The following SNX24 variants were observed in gnomAD, a reference collection of about 807,000 sequenced individuals.
SNX24 encodes the protein sorting nexin 24.
A neutral mutation model predicts 28.7 loss-of-function variants in SNX24; 22 were observed. The ratio of observed to expected loss-of-function variants is 0.77; its 90% CI spans 0.55 to 1.10. SNX24 has a LOEUF of 1.10. SNX24 is among the 50% of genes least tolerant of loss of function. The probability of loss-of-function intolerance (pLI) is 0.00; values close to 1 mark genes in which losing one functional copy is unlikely to be tolerated. For missense variants in SNX24, 221 were observed against 201.1 expected (o/e 1.10, Z -0.60); for synonymous variants, 69 against 71.5 (o/e 0.96, Z 0.18).
chr5:122,946,407 G>C (rs1304360258), intron 3 of SNX24, among the ~76,000 whole-genome samples: 1 of 152,106 alleles, frequency 6.6e-6, no homozygotes, highest in Non-Finnish European at 1.5e-5. Context: ...TTGAGGAGAG[G>C]ATCTGTTTTT....
At chr5:123,028,108 C>A (rs940748828) in intron 5 of SNX24, among the ~76,000 whole-genome samples, 1 of 152,180 alleles carries the variant, frequency 6.6e-6, no homozygotes, top group African/African-American at 2.4e-5. Context: ...TGGGTCCTGA[C>A]GAAACCACCA....
chr5:122,918,828 A>T (rs1581747613), intron 1 of SNX24, among the ~76,000 whole-genome samples: 1 of 152,246 alleles, frequency 6.6e-6, no homozygotes, highest in Non-Finnish European at 1.5e-5. Flanking sequence ...CTCTTTCAAC[A>T]TACTGCACTG....
rs1759398731 is a variant in SNX24 at position 122,940,594 on chromosome 5, CAG to C, written c.144+3780_144+3781del. 2.0e-5 allele frequency among the ~76,000 whole-genome samples: 3 copies of C among 152,278 alleles called. No individual in the cohort carries two copies. The South Asian group carries it at 6.2e-4, about 32-fold the overall frequency. On this transcript the variant is annotated intron_variant, in intron 2 of 6. Coordinates refer to ENST00000261369, the MANE Select transcript of SNX24 (RefSeq NM_014035.4). ...ATTTATGTATTATTATTATTTGAGACAGAGTCTCACTTTATCACCCAGGCTGG... is the reference window on the plus strand; with the variant it reads ...ATTTATGTATTATTATTATTTGAGACAGTCTCACTTTATCACCCAGGCTGG...
At chr5:122,904,883 G>C (rs1333130601) in intron 1 of SNX24, among the ~76,000 whole-genome samples, 1 of 152,212 alleles carries the variant, frequency 6.6e-6, no homozygotes, top group Non-Finnish European at 1.5e-5. Context: ...AAGGAAGACA[G>C]CCTGATGCTC....
At chr5:122,948,997 C>T (rs1405978444) in intron 3 of SNX24, among the ~76,000 whole-genome samples, 3 of 152,138 alleles carry the variant, frequency 2.0e-5, no homozygotes, top group Non-Finnish European at 2.9e-5. Flanking sequence ...AAATCAATAA[C>T]TTGAATAGCA....
intron 1 of SNX24, among the ~76,000 whole-genome samples, chr5:122,900,933 G>T (rs1382536111): frequency 6.6e-6 from 1 of 152,152 alleles, no homozygotes; most frequent in East Asian, 1.9e-4. Context: ...AGGTGTGGTG[G>T]CTCGTGCCTG....
chr5:122,953,057 T>TCTTTCTTCCTTC (rs1554075533), intron 3 of SNX24, among the ~76,000 whole-genome samples: 17 of 150,074 alleles, frequency 1.1e-4, no homozygotes, highest in Middle Eastern at 3.4e-3. Flanking sequence ...GCGATTTCTT[T>TCTTTCTTCCTTC]CTTTCTTTCT....
chr5:122,872,944 T>C (rs1057216148), intron 1 of SNX24, among the ~76,000 whole-genome samples: 6 of 152,048 alleles, frequency 3.9e-5, no homozygotes, highest in African/African-American at 1.4e-4. Flanking sequence ...TTAATGAACA[T>C]CATTTTAACC....
At chr5:122,902,770 A>G (rs78803589) in intron 1 of SNX24, among the ~76,000 whole-genome samples, 81 of 152,278 alleles carry the variant, frequency 5.3e-4, no homozygotes, top group South Asian at 2.3e-3. Flanking sequence ...TATCATGCAT[A>G]TGGTTAAAAA....
intron 1 of SNX24, among the ~76,000 whole-genome samples, chr5:122,863,528 C>CT (rs112338350): frequency 0.14 from 19,490 of 143,444 alleles, 1,595 homozygotes; most frequent in East Asian, 0.36. Flanking sequence ...TTTCTTTTTT[C>CT]TTTTTTTTTT....
chr5:122,996,886 G>A (rs1028605873), intron 3 of SNX24, among the ~76,000 whole-genome samples: 5 of 152,184 alleles, frequency 3.3e-5, no homozygotes, highest in African/African-American at 1.2e-4. Context: ...GTTGAGCAAA[G>A]TTGAGAGATT....
chr5:122,966,838 A>G (rs1760733959), intron 3 of SNX24, among the ~76,000 whole-genome samples: 1 of 152,234 alleles, frequency 6.6e-6, no homozygotes, highest in Admixed American at 6.5e-5. Context: ...TATAACAGGC[A>G]TACAATAAAG....
intron 1 of SNX24, among the ~76,000 whole-genome samples, chr5:122,853,320 G>T (rs971194034): frequency 5.9e-5 from 9 of 151,902 alleles, no homozygotes; most frequent in African/African-American, 1.9e-4. Flanking sequence ...GTAGAGACGG[G>T]GTTTCACCGT....
chr5:122,886,410 A>G (rs942331253), intron 1 of SNX24, among the ~76,000 whole-genome samples: 8 of 152,116 alleles, frequency 5.3e-5, no homozygotes, highest in Non-Finnish European at 1.2e-4. Context: ...ATAGTTCTTT[A>G]TCTGTCTTTT....
At chr5:123,019,094 G>C (rs1762727595) in intron 5 of SNX24, among the ~76,000 whole-genome samples, 1 of 152,196 alleles carries the variant, frequency 6.6e-6, no homozygotes, top group South Asian at 2.1e-4. Context: ...AATGCCAGTT[G>C]TTTTTCCACC....
intron 3 of SNX24, among the ~76,000 whole-genome samples, chr5:122,953,150 G>C (rs576356665): frequency 6.6e-6 from 1 of 150,538 alleles, no homozygotes. Context: ...TGTCACCCAG[G>C]CTGGAGTGCA....
chr5:122,963,965 G>A (rs1039323722), intron 3 of SNX24, among the ~76,000 whole-genome samples: 4 of 151,992 alleles, frequency 2.6e-5, no homozygotes, highest in Non-Finnish European at 4.4e-5. Flanking sequence ...GTTCTGGGCC[G>A]GGCGCGATGG....
intron 1 of SNX24, among the ~76,000 whole-genome samples, chr5:122,923,870 C>G (rs1339603814): frequency 1.3e-5 from 2 of 152,186 alleles, no homozygotes; most frequent in Non-Finnish European, 1.5e-5. Flanking sequence ...AATGATTCAT[C>G]CATTCATCCA....
chr5:122,976,608 A>G (rs960562628), intron 3 of SNX24, among the ~76,000 whole-genome samples: 3 of 152,236 alleles, frequency 2.0e-5, no homozygotes, highest in Non-Finnish European at 4.4e-5. Context: ...TACACCAGTA[A>G]TTGTATTGTT....
Sources: gnomAD v4.1 joint callset for allele counts (sites outside exome capture counted in the v4.1 genomes callset) on GRCh38, gnomAD v4.1.1 for gene constraint, MANE v1.5 for transcripts, NCBI Gene and HGNC (gene_info 2026-07-23, HGNC 2026-07-21) for gene names.